Variants in FAM24B observed in about 807,000 individuals in gnomAD.
FAM24B encodes the protein family with sequence similarity 24 member B.
Under a neutral mutation model 2.3 loss-of-function variants are expected in FAM24B, and 3 were observed. The observed-to-expected ratio is 1.29, with a 90% CI of 0.59 to 3.32. FAM24B has a LOEUF of 3.32. Ranked by LOEUF, FAM24B falls within the 30% of genes most tolerant of loss-of-function variation. FAM24B has a pLI of 0.03. For synonymous variants in FAM24B, 36 were observed against 46.3 expected (o/e 0.78, Z 0.90); for missense variants, 98 against 117.2 (o/e 0.84, Z 0.76).
chr10:122,853,603 T>C (rs1847579316), intron 2 of FAM24B, among the ~76,000 whole-genome samples: 1 of 152,148 alleles, frequency 6.6e-6, no homozygotes, highest in Admixed American at 6.6e-5. Flanking sequence ...AAATTTGAAT[T>C]GTTGACTAGG....
intron 1 of FAM24B, 21 bp downstream of exon 1, chr10:122,879,464 G>A (rs1848040914): frequency 6.6e-6 from 1 of 152,314 alleles, no homozygotes; most frequent in Non-Finnish European, 1.5e-5. Flanking sequence ...ACATCGCGTA[G>A]AGCGAAGAGA....
In FAM24B at chr10:122,855,732, G is replaced by C. The variant is rs1039574607; in HGVS notation, c.-123C>G. On this transcript the variant is annotated 5_prime_UTR_variant, in exon 2 of 4. Coordinates refer to ENST00000368898, the MANE Select transcript of FAM24B (RefSeq NM_152644.3). The stretch of plus-strand genomic sequence containing the variant: ...TCATGTGTCAGACATCCCCTTGTCA[G>C]GCATCCTCCAGGGTCTTCCAACTGC... The C allele has an allele frequency of 6.6e-6, 1 of 152,272 alleles. No individual in the cohort carries two copies. The highest frequency in any genetic ancestry group is 1.9e-4 in the East Asian group (1 of 5,182). 9.4% of individuals were successfully genotyped at this position (152,272 alleles called of 1,614,324 possible).
chr10:122,870,307 C>G (rs1171212567), intron 1 of FAM24B, among the ~76,000 whole-genome samples: 1 of 151,872 alleles, frequency 6.6e-6, no homozygotes, highest in East Asian at 1.9e-4. Flanking sequence ...GCTTACCAAC[C>G]AAAAAAAGTC....
At chr10:122,864,974 ATCTTAGTTGCT>A (rs1205819156) in intron 1 of FAM24B, among the ~76,000 whole-genome samples, 11 of 152,246 alleles carry the variant, frequency 7.2e-5, no homozygotes, top group African/African-American at 2.7e-4. Context: ...ACTGAAGGAC[ATCTTAGTTGCT>A]TCCAGCTTTT....
At chr10:122,870,089 A>C (rs1321246985) in intron 1 of FAM24B, among the ~76,000 whole-genome samples, 1 of 152,266 alleles carries the variant, frequency 6.6e-6, no homozygotes, top group Non-Finnish European at 1.5e-5. Flanking sequence ...CCCAATAAAA[A>C]ATGACAAACG....
chr10:122,866,023 C>T (rs1009845215), intron 1 of FAM24B, among the ~76,000 whole-genome samples: 3 of 152,034 alleles, frequency 2.0e-5, no homozygotes, highest in African/African-American at 7.2e-5. Context: ...CTGCCCTAGC[C>T]TCCCGAGTAG....
At chr10:122,871,829 A>G (rs1847902817) in intron 1 of FAM24B, among the ~76,000 whole-genome samples, 1 of 152,194 alleles carries the variant, frequency 6.6e-6, no homozygotes, top group South Asian at 2.1e-4. Flanking sequence ...AAAACCATAA[A>G]AACCCTAGAA....
intron 1 of FAM24B, among the ~76,000 whole-genome samples, chr10:122,864,839 A>G (rs368269115): frequency 6.6e-6 from 1 of 152,216 alleles, no homozygotes; most frequent in East Asian, 1.9e-4. Context: ...TTTTAAGGCT[A>G]ACTGGTTTCA....
chr10:122,855,390 T>TA lies in FAM24B; in HGVS notation c.-36+254dup, dbSNP rs1008097600. The TA allele has an allele frequency of 2.3e-4, 35 of 152,246 alleles. 1 individual carries two copies. The highest frequency in any genetic ancestry group is 2.0e-3 in the Admixed American group (30 of 15,294). The allele number at this position is 152,246 out of a possible 1,614,324, so 9.4% of individuals were successfully genotyped here. A position where few individuals can be genotyped will look rare whatever the true frequency, so the allele number is the denominator to read the frequency against. On this transcript the variant is annotated intron_variant, in intron 2 of 3. Coordinates refer to ENST00000368898, the MANE Select transcript of FAM24B (RefSeq NM_152644.3). ...AACCAAAGAGAAAAAACTGCAAACT[T>TA]AGTGATGAATTACCATGTTCTACCT...
chr10:122,849,746 C>T (rs1319229726), intron 3 of FAM24B, among the ~76,000 whole-genome samples: 1 of 151,746 alleles, frequency 6.6e-6, no homozygotes, highest in Non-Finnish European at 1.5e-5. Flanking sequence ...TTGGCTGTGT[C>T]CCAGGCTCCG....
chr10:122,849,255 C>T lies in FAM24B; in HGVS notation c.277G>A (p.Gly93Ser). 1.3e-6 allele frequency: 2 copies of T among 1,559,102 alleles called. No individual in the cohort carries two copies. The highest frequency in any genetic ancestry group is 1.7e-6 in the Non-Finnish European group (2 of 1,147,318). ...LPPCCCDINEGL is the reference protein window; with the variant it reads ...LPPCCCDINESL ...TGCCCACCTTTCCTAACTCAGAGGC[C>T]CTCATTTATGTCGCAACAGCAAGGT... The change falls in exon 4 of 4, where the codon GGC becomes AGC. Residue 93 changes from glycine (G) to serine (S), a missense_variant. Transcript: ENST00000368898.
At chr10:122,861,701 T>C (rs1847727623) in intron 1 of FAM24B, among the ~76,000 whole-genome samples, 1 of 152,252 alleles carries the variant, frequency 6.6e-6, no homozygotes, top group South Asian at 2.1e-4. Context: ...TTTAGTGCTA[T>C]TGTAAACAGT....
At chr10:122,860,160 A>G (rs923437926) in intron 1 of FAM24B, among the ~76,000 whole-genome samples, 1 of 152,010 alleles carries the variant, frequency 6.6e-6, no homozygotes, top group Admixed American at 6.6e-5. Flanking sequence ...CAGTTCCATC[A>G]CCTTAAAAAG....
rs1847843251 is a variant in FAM24B, at chr10:122,868,702, G to C, written c.-178+10783C>G. 2.6e-5 allele frequency among the ~76,000 whole-genome samples: 4 copies of C among 152,252 alleles called. No homozygotes were observed. The South Asian group carries it at 8.3e-4, about 32-fold the overall frequency. ...CAAACTAAGCTTCATAAGTGAAGGAGAAATAAAATCCTTTACAGATAAGCA... is the reference window on the plus strand; with the variant it reads ...CAAACTAAGCTTCATAAGTGAAGGACAAATAAAATCCTTTACAGATAAGCA... On this transcript the variant is annotated intron_variant, in intron 1 of 3. Transcript: ENST00000368898.
chr10:122,850,945 AC>A (rs1310919916), intron 2 of FAM24B, among the ~76,000 whole-genome samples: 1 of 149,406 alleles, frequency 6.7e-6, no homozygotes, highest in Non-Finnish European at 1.5e-5. Flanking sequence ...GTCAGAAATG[AC>A]CCCCCACTGG....
intron 2 of FAM24B, among the ~76,000 whole-genome samples, chr10:122,852,817 G>A (rs1847566141): frequency 6.6e-6 from 1 of 152,202 alleles, no homozygotes; most frequent in Non-Finnish European, 1.5e-5. Context: ...CTTCGCTGGT[G>A]GAGTTGGGAT....
At chr10:122,874,983 G>C (rs1160271401) in intron 1 of FAM24B, among the ~76,000 whole-genome samples, 1 of 152,112 alleles carries the variant, frequency 6.6e-6, no homozygotes, top group Non-Finnish European at 1.5e-5. Context: ...CTAAGAACGG[G>C]TTTGGTGTCA....
In FAM24B at chr10:122,850,521, C is replaced by T. The variant is rs1847513107; in HGVS notation, c.-6G>A. The stretch of plus-strand genomic sequence containing the variant: ...CCACCAGCGATGACAGGCATAATCA[C>T]TGTATGGAGGTCAAAAGACTTCGAT... On this transcript the variant is annotated 5_prime_UTR_variant, in exon 3 of 4. The change creates a new upstream start codon in the 5' untranslated region. Coordinates refer to ENST00000368898, the MANE Select transcript of FAM24B (RefSeq NM_152644.3). The T allele has an allele frequency of 1.0e-5, 16 of 1,607,836 alleles. No individual in the cohort carries two copies. Among genetic ancestry groups the T allele is most frequent in the Non-Finnish European group, 1.4e-5 (16 of 1,174,230 alleles).
At chr10:122,855,193 C>T (rs1385840014) in intron 2 of FAM24B, 2 of 152,174 alleles carry the variant, frequency 1.3e-5, no homozygotes, top group African/African-American at 2.4e-5. Flanking sequence ...AATATGCAAT[C>T]GGATTTTATG....
Sources: gnomAD v4.1 joint callset for allele counts (sites outside exome capture counted in the v4.1 genomes callset) on GRCh38, gnomAD v4.1.1 for gene constraint, MANE v1.5 for transcripts, NCBI Gene and HGNC (gene_info 2026-07-23, HGNC 2026-07-21) for gene names.